Variants in MYO1F observed in about 807,000 individuals in gnomAD.
The protein encoded by MYO1F is myosin IF, also known as unconventional myosin-If.
A neutral mutation model predicts 146.6 loss-of-function variants in MYO1F; 60 were observed. That is an observed-to-expected ratio of 0.41 (90% confidence interval 0.33 to 0.51). MYO1F has a LOEUF of 0.51. MYO1F is among the 20% of genes least tolerant of loss of function. MYO1F has a pLI of 0.25. For missense variants in MYO1F, 1,274 were observed against 1,534.3 expected, an observed-to-expected ratio of 0.83 and a Z score of 2.83; for synonymous variants, 602 against 602.1, an observed-to-expected ratio of 1.00 and a Z score of 0.00.
At chr19:8,521,754 C>T (rs1179698737) in intron 27 of MYO1F, 150 bp from the exon 28 acceptor site, 2 of 741,272 alleles carry the variant, frequency 2.7e-6, no homozygotes, top group Non-Finnish European at 4.7e-6. Context: ...GCCTCAGCCT[C>T]CCAAAGTGCT....
intron 3 of MYO1F, 40 bp downstream of exon 3, chr19:8,554,614 G>A: frequency 1.2e-6 from 2 of 1,611,974 alleles, no homozygotes; most frequent in Non-Finnish European, 1.7e-6. Context: ...TGGGGGCCAG[G>A]AGTCTGGGGG....
At chr19:8,525,662 C>T (rs1032156812) in intron 24 of MYO1F, 100 bp from the exon 25 acceptor site, 13 of 983,334 alleles carry the variant, frequency 1.3e-5, no homozygotes, top group Middle Eastern at 4.4e-4. Context: ...ACCCCGCCCC[C>T]TCAGGCTCTC....
chr19:8,563,443 G>A (rs755086346), intron 1 of MYO1F, among the ~76,000 whole-genome samples: 5 of 151,800 alleles, frequency 3.3e-5, no homozygotes, highest in South Asian at 2.1e-4. Context: ...GATTATAGGC[G>A]TGCACCACCA....
chr19:8,545,487 G>T, intron 13 of MYO1F, 163 bp downstream of exon 13: 1 of 717,554 alleles, frequency 1.4e-6, no homozygotes. Flanking sequence ...AATGGATGAG[G>T]GGCGGAAGGG....
rs78709087 is a variant in MYO1F, at chr19:8,540,154, G to A, written c.1611-126C>T. 3,544 of 693,982 alleles carry A rather than the reference G, an allele frequency of 5.1e-3. 89 individuals are homozygous for A. The African/African-American group carries it at 0.057, about 11-fold the overall frequency. 43.0% of individuals were successfully genotyped at this position (693,982 alleles called of 1,614,324 possible). ...GGTTCTCTCAATGTGGAGGGGAGCT[G>A]TGATGGGTGAGATGCAGAGGGTTGG... On this transcript the variant is annotated intron_variant, in intron 15 of 27. Coordinates refer to ENST00000644032, the MANE Select transcript of MYO1F (RefSeq NM_012335.4).
At chr19:8,574,735 TTTTC>T (rs1197246779) in intron 1 of MYO1F, among the ~76,000 whole-genome samples, 9 of 150,220 alleles carry the variant, frequency 6.0e-5, no homozygotes, top group East Asian at 3.9e-4. Flanking sequence ...CTTTCTTTCT[TTTTC>T]TTTCTTTCTT....
chr19:8,541,340 G>A (rs899398370), intron 15 of MYO1F, among the ~76,000 whole-genome samples: 2 of 150,180 alleles, frequency 1.3e-5, no homozygotes, highest in Non-Finnish European at 2.9e-5. Flanking sequence ...GCTGGTCTAA[G>A]AACCACATGT....
rs2042250469 is a variant in MYO1F, at chr19:8,577,007, T to C, written c.3+300A>G. 4 of 576,066 alleles carry C rather than the reference T, an allele frequency of 6.9e-6. No homozygotes were observed. The highest frequency in any genetic ancestry group is 1.2e-5 in the Non-Finnish European group (4 of 322,988). 35.7% of individuals were successfully genotyped at this position (576,066 alleles called of 1,614,324 possible). On this transcript the variant is annotated intron_variant, in intron 1 of 27. Transcript: ENST00000644032. This position sits in a 1 kb window ranked among gnomAD's most constrained non-coding sequence, Gnocchi z 4.3. ...CCCTTAATTTGCAAGCAAAGGAGGC[T>C]ATGTCCTTGTCCCTGCAGACTCTGT...
Position 8,530,242 on chromosome 19 carries a change from C to A in MYO1F, c.2282G>T (p.Arg761Leu). ...ELRQFLGKRE[R>L]VDFADSVTKY... Reference sequence around the variant, plus strand: ...GGTGACCGAATCGGCGAAGTCCACCCGCTCCCTCTTGCCCAGGAACTGACG... The same window carrying A: ...GGTGACCGAATCGGCGAAGTCCACCAGCTCCCTCTTGCCCAGGAACTGACG... The change falls in exon 21 of 28, where the codon CGG becomes CTG. Residue 761 changes from arginine to leucine, a missense_variant. By Grantham distance (102) the Arg-to-Leu change is moderately radical. Transcript: ENST00000644032. This position sits in a 1 kb window ranked among gnomAD's most constrained non-coding sequence, Gnocchi z 5.8. 6.2e-7 allele frequency: 1 copy of A among 1,614,114 alleles called. No homozygotes were observed. Among genetic ancestry groups the A allele is most frequent in the African/African-American group, 1.3e-5 (1 of 75,022 alleles).
chr19:8,543,675 CTGGTGGTGGTGGTGGTGGTGG>C (rs1191447239), intron 14 of MYO1F, among the ~76,000 whole-genome samples: 7 of 36,194 alleles, frequency 1.9e-4, no homozygotes, highest in African/African-American at 5.1e-4. Flanking sequence ...GGTGGTGGTG[CTGGTGGTGGTGGTGGTGGTGG>C]TGGTGGTGGT....
At chr19:8,576,866 G>T (rs558604420) in intron 1 of MYO1F, 4 of 233,160 alleles carry the variant, frequency 1.7e-5, no homozygotes, top group Non-Finnish European at 2.6e-5. Flanking sequence ...AGCAACTTCC[G>T]CATCTAGACG....
chr19:8,556,492 AAGAAAGAAAGAAAG>A (rs1484955032), intron 1 of MYO1F, among the ~76,000 whole-genome samples: 5 of 130,830 alleles, frequency 3.8e-5, no homozygotes, highest in South Asian at 2.1e-4. Flanking sequence ...AAAAGAAAGA[AAGAAAGAAAGAAAG>A]AGAAAGAAAG....
chr19:8,528,096 C>G (rs577781244), intron 21 of MYO1F, among the ~76,000 whole-genome samples: 2 of 152,070 alleles, frequency 1.3e-5, no homozygotes, highest in Non-Finnish European at 2.9e-5. Flanking sequence ...GTGGTGGGCA[C>G]CTGTAGTCCC....
rs573850750 is a variant in MYO1F at position 8,569,999 on chromosome 19, A to G, written c.3+7308T>C. On this transcript the variant is annotated intron_variant, in intron 1 of 27. Coordinates refer to ENST00000644032, the MANE Select transcript of MYO1F (RefSeq NM_012335.4). ...GATATCACTGCAGCCTTGACCTCCC[A>G]GGCTCAAGCGAATCCTCCTGCCTCA... Among the ~76,000 whole-genome samples the G allele has an allele frequency of 3.3e-5, 5 of 152,186 alleles. No homozygotes were observed. The South Asian group carries it at 1.0e-3, about 32-fold the overall frequency.
intron 1 of MYO1F, among the ~76,000 whole-genome samples, chr19:8,575,278 C>T (rs1351338609): frequency 6.6e-6 from 1 of 151,210 alleles, no homozygotes; most frequent in African/African-American, 2.4e-5. Flanking sequence ...GGTCTCACCA[C>T]GTTGGCCAGG....
At chr19:8,547,810 G>A (rs1973432134) in intron 12 of MYO1F, 1 of 551,926 alleles carries the variant, frequency 1.8e-6, no homozygotes, top group East Asian at 3.2e-5. Context: ...GCACACAACA[G>A]GTGCTCAATA....
At position 8,558,458 on chromosome 19, in the gene MYO1F, G is replaced by A. The variant is rs1164143127; in HGVS notation, c.4-2662C>T. Among the ~76,000 whole-genome samples the A allele has an allele frequency of 3.9e-5, 6 of 152,202 alleles. No homozygotes were observed. In the South Asian group the frequency reaches 1.0e-3, roughly 26 times the overall value. On this transcript the variant is annotated intron_variant, in intron 1 of 27. Transcript: ENST00000644032. The stretch of plus-strand genomic sequence containing the variant: ...TGGAATTTCAGGCATGAGACACCTT[G>A]CCTGACCCAGACGACACTTTCTTTA...
chr19:8,521,733 G>T, intron 27 of MYO1F, 129 bp from the exon 28 acceptor site: 1 of 820,372 alleles, frequency 1.2e-6, no homozygotes, highest in Non-Finnish European at 2.0e-6. Context: ...CTAGGCTTAA[G>T]CCATCCTCCT....
chr19:8,521,712 G>T, intron 27 of MYO1F, 108 bp from the exon 28 acceptor site: 2 of 1,030,238 alleles, frequency 1.9e-6, no homozygotes, highest in Non-Finnish European at 3.0e-6. Flanking sequence ...GTCCAGGCTG[G>T]TCTTAAACTC....
Sources: allele counts gnomAD v4.1 joint callset (sites outside exome capture counted in the v4.1 genomes callset), GRCh38; gene constraint gnomAD v4.1.1; non-coding constraint Gnocchi (gnomAD v3.1); transcripts MANE v1.5; gene names NCBI Gene and HGNC (gene_info 2026-07-23, HGNC 2026-07-21).